Variants in MYPN observed in about 807,000 individuals in gnomAD.
The protein encoded by MYPN is sarcomeric protein myopalladin, 145 kDa (MYOP).
In MYPN, 63 loss-of-function variants were observed where a neutral mutation model predicts 129.4. The ratio of observed to expected loss-of-function variants is 0.49; its 90% confidence interval spans 0.40 to 0.60. The LOEUF is 0.60. Ranked by LOEUF, MYPN falls within the 20% of genes least tolerant of loss-of-function variation. The probability of loss-of-function intolerance (pLI) is 0.00; values close to 1 mark genes in which losing one functional copy is unlikely to be tolerated. For missense variants in MYPN, 1,596 were observed against 1,635.4 expected, an observed-to-expected ratio of 0.98 and a Z score of 0.42; for synonymous variants, 629 against 600.9, an observed-to-expected ratio of 1.05 and a Z score of -0.68.
At chr10:68,206,743 A>C (rs754907960) in intron 18 of MYPN, 27 bp from the exon 19 acceptor site, 3 of 1,613,900 alleles carry the variant, frequency 1.9e-6, no homozygotes, top group Non-Finnish European at 2.5e-6. Context: ...CCGATAAAAT[A>C]TAGGTATATT....
rs993175676 is a variant in MYPN at position 68,136,164 on chromosome 10, C to A, written c.903-6776C>A. 18 of 954,200 alleles carry A rather than the reference C, an allele frequency of 1.9e-5. No individual in the cohort carries two copies. The African/African-American group carries it at 2.8e-4, about 15-fold the overall frequency. 59.1% of individuals were successfully genotyped at this position (954,200 alleles called of 1,614,324 possible). ...TGATAAAGAGCCAAAAGTCCAGTTA[C>A]ATCTGAAAAATGTGTCTCTTCAGTG... is the stretch of plus-strand genomic sequence containing the variant. On this transcript the variant is annotated intron_variant, in intron 2 of 19. Coordinates refer to ENST00000358913, the MANE Select transcript of MYPN (RefSeq NM_032578.4).
At position 68,094,757 on chromosome 10, in the gene MYPN, C is replaced by G. The variant is rs549964851; in HGVS notation, c.-2+6765C>G. Among the ~76,000 whole-genome samples, 3 of 152,230 alleles carry G rather than the reference C, an allele frequency of 2.0e-5. No homozygotes were observed. In the East Asian group the frequency reaches 5.8e-4, roughly 29 times the overall value. ...GAAAACAAAAAATAGGTGGGTGTGA[C>G]TGTGTAAAATATAAAGCATGGGGGC... On this transcript the variant is annotated intron_variant, in intron 1 of 6. Transcript: ENST00000685154.
In MYPN at chr10:68,211,331, C is replaced by T. The variant is rs1348271896; in HGVS notation, c.*876C>T. On this transcript the variant is annotated 3_prime_UTR_variant, in exon 20 of 20. Coordinates refer to ENST00000358913, the MANE Select transcript of MYPN (RefSeq NM_032578.4). ...CATCATTTGCCCATAAAATACACCT[C>T]ATGGGCTCCTACCCCTTTCCCCAAA... 1 of 453,878 alleles carries T rather than the reference C, an allele frequency of 2.2e-6. No homozygotes were observed. The highest frequency in any genetic ancestry group is 4.4e-6 in the Non-Finnish European group (1 of 226,806). The allele number at this position is 453,878 out of a possible 1,614,324, so 28.1% of individuals were successfully genotyped here. A position where few individuals can be genotyped will look rare whatever the true frequency, so the allele number is the denominator to read the frequency against.
At chr10:68,104,535 GC>G (rs1248012959), upstream of MYPN, among the ~76,000 whole-genome samples, 1 of 152,110 alleles carries the variant, frequency 6.6e-6, no homozygotes, top group African/African-American at 2.4e-5. Context: ...TGCTTCCAAT[GC>G]CCCACTTTTC....
chr10:68,176,196 C>T (rs968061247), intron 12 of MYPN, among the ~76,000 whole-genome samples: 3 of 152,180 alleles, frequency 2.0e-5, no homozygotes, highest in Non-Finnish European at 4.4e-5. Context: ...TCATCCTATA[C>T]AACTCTTTGC....
At position 68,148,442 on chromosome 10, in the gene MYPN, A is replaced by G. The variant is rs754145777; in HGVS notation, c.1220A>G (p.Gln407Arg). The change falls in exon 5 of 20, where the codon CAA becomes CGA. Residue 407 changes from glutamine (Q) to arginine (R), a missense_variant. Gln to Arg is a conservative substitution (Grantham distance 43). Transcript: ENST00000358913. Reference protein sequence around the residue: ...AVPQAQHLVAQPRVATIQQCQ... With the variant: ...AVPQAQHLVARPRVATIQQCQ... The stretch of plus-strand genomic sequence containing the variant: ...CCCCAAGCCCAGCATTTGGTGGCCC[A>G]ACCTCGTGTGGCAACCATCCAGCAG... 6.2e-7 allele frequency: 1 copy of G among 1,614,108 alleles called. No homozygotes were observed. Among genetic ancestry groups the G allele is most frequent in the Admixed American group, 1.7e-5 (1 of 60,016 alleles).
intron 9 of MYPN, 140 bp downstream of exon 9, chr10:68,165,958 G>A (rs1564674683): frequency 1.2e-6 from 1 of 859,612 alleles, no homozygotes; most frequent in Non-Finnish European, 1.9e-6. Context: ...TGAGGAAAAT[G>A]TTCTTGAACA....
At chr10:68,164,747 C>T (rs1012189578) in intron 8 of MYPN, among the ~76,000 whole-genome samples, 1 of 152,100 alleles carries the variant, frequency 6.6e-6, no homozygotes, top group African/African-American at 2.4e-5. Context: ...TGGGAATCAC[C>T]TCTGTAGTTA....
In MYPN at chr10:68,175,473, G is replaced by A. The variant is rs746390348; in HGVS notation, c.2703+12G>A. The A allele has an allele frequency of 3.7e-6, 6 of 1,613,828 alleles. No individual in the cohort carries two copies. Among genetic ancestry groups the A allele is most frequent in the Non-Finnish European group, 5.1e-6 (6 of 1,179,746 alleles). ...GACCAAACCAGCAGGTAAGATTGTT[G>A]GATTTAGAAGGTTTATTGAAATTTT... On this transcript the variant is annotated intron_variant, in intron 12 of 19. Coordinates refer to ENST00000358913, the MANE Select transcript of MYPN (RefSeq NM_032578.4).
rs886039109 is a variant in MYPN, at chr10:68,174,642, A to T, written c.2550A>T (p.Arg850Ser). The change falls in exon 11 of 20, where the codon AGA becomes AGT. Residue 850 changes from arginine to serine, a missense_variant. Arg to Ser is a moderately radical substitution (Grantham distance 110). Transcript: ENST00000358913. ...IPPTNAMGLP[R>S]SAPSMPSQGL... ...CCACAAATGCCATGGGGCTGCCTAGAAGTGCACCATCCATGTAAGTGTCAT... is the reference window on the plus strand; with the variant it reads ...CCACAAATGCCATGGGGCTGCCTAGTAGTGCACCATCCATGTAAGTGTCAT... 1 of 1,613,976 alleles carries T rather than the reference A, an allele frequency of 6.2e-7. No homozygotes were observed. The highest frequency in any genetic ancestry group is 8.5e-7 in the Non-Finnish European group (1 of 1,179,964).
At chr10:68,152,144 G>A (rs553734431) in intron 6 of MYPN, among the ~76,000 whole-genome samples, 9 of 152,280 alleles carry the variant, frequency 5.9e-5, no homozygotes, top group South Asian at 2.1e-4. Flanking sequence ...AGAAAGGAAC[G>A]TCTGGATTAG....
chr10:68,169,689 C>G (rs1432887906), intron 10 of MYPN, among the ~76,000 whole-genome samples: 1 of 152,066 alleles, frequency 6.6e-6, no homozygotes, highest in Non-Finnish European at 1.5e-5. Context: ...GGTCAAGTCA[C>G]CACATCTACA....
rs149852773 is a variant in MYPN at position 68,143,050 on chromosome 10, G to A, written c.1013G>A (p.Arg338His). The A allele has an allele frequency of 4.9e-5, 79 of 1,613,988 alleles. No homozygotes were observed. The highest frequency in any genetic ancestry group is 4.5e-4 in the Admixed American group (27 of 59,990). The change falls in exon 3 of 20, where the codon CGC (arginine) becomes CAC (histidine). Residue 338 changes from arginine (R) to histidine (H), a missense_variant. By Grantham distance (29) the Arg-to-His change is conservative (BLOSUM62 0). Transcript: ENST00000358913. The part of the protein sequence containing the change: ...IAEAFEEDTG[R>H]YSCFASNIYG... ...GAAGCCTTTGAAGAGGACACAGGAC[G>A]CTATTCCTGCTTTGCTTCTAACATC...
chr10:68,091,116 T>G (rs1162695547), intron 1 of MYPN, among the ~76,000 whole-genome samples: 1 of 152,156 alleles, frequency 6.6e-6, no homozygotes, highest in Non-Finnish European at 1.5e-5. Context: ...GGAAACTTAT[T>G]TTTTAAAAAA....
At chr10:68,176,893 T>G (rs1376011323) in intron 12 of MYPN, among the ~76,000 whole-genome samples, 1 of 152,218 alleles carries the variant, frequency 6.6e-6, no homozygotes, top group Non-Finnish European at 1.5e-5. Flanking sequence ...ACCTTCAAGC[T>G]CTATACATGT....
rs533632772 is a variant in MYPN at position 68,121,543 on chromosome 10, G to A, written c.105G>A (p.Ala35=). Residue 35 remains alanine (A), a synonymous_variant, in exon 2 of 20, where the codon GCG becomes GCA. Transcript: ENST00000358913. ...RHRGNNERSR[A]EPSSNPCHFG... is the part of the protein sequence containing the mutation. ...GGGGAAACAATGAGAGGAGTCGAGC[G>A]GAGCCCTCCTCCAACCCTTGCCATT... 5 of 1,614,188 alleles carry A rather than the reference G, an allele frequency of 3.1e-6. No individual in the cohort carries two copies. The highest frequency in any genetic ancestry group is 2.7e-5 in the African/African-American group (2 of 75,054).
chr10:68,096,847 G>A lies in MYPN; in HGVS notation c.-2+8855G>A, dbSNP rs994835510. Among the ~76,000 whole-genome samples the A allele has an allele frequency of 3.3e-5, 5 of 152,166 alleles. No homozygotes were observed. In the East Asian group the frequency reaches 7.7e-4, roughly 23 times the overall value. ...CTTAACCTTAACAATAATTTGGTTA[G>A]TCTATGTTGAATACCAAGCTTATGC... On this transcript the variant is annotated intron_variant, in intron 1 of 6. Transcript: ENST00000685154.
At chr10:68,104,687 C>T (rs1365692717), upstream of MYPN, among the ~76,000 whole-genome samples, 1 of 152,154 alleles carries the variant, frequency 6.6e-6, no homozygotes, top group African/African-American at 2.4e-5. Flanking sequence ...AAAATAATGT[C>T]AGGGTCGGTT....
intron 2 of MYPN, among the ~76,000 whole-genome samples, chr10:68,132,027 G>C (rs2042419178): frequency 1.3e-5 from 2 of 152,008 alleles, no homozygotes; most frequent in Admixed American, 1.3e-4. Context: ...GCTGTTTTGA[G>C]CTTGCTAAAT....
Sources: allele counts gnomAD v4.1 joint callset (sites outside exome capture counted in the v4.1 genomes callset), GRCh38; gene constraint gnomAD v4.1.1; transcripts MANE v1.5; gene names NCBI Gene and HGNC (gene_info 2026-07-23, HGNC 2026-07-21).